BOLA3: variants seen among roughly 807,000 people sequenced by gnomAD.
BOLA3 encodes bolA family member 3.
A neutral mutation model predicts 14.5 loss-of-function variants in BOLA3; 8 were observed. That is an observed-to-expected ratio of 0.55 (90% CI 0.32 to 0.99). The LOEUF (loss-of-function observed/expected upper bound fraction) is 0.99, where lower values mean the gene tolerates loss of function less well. Ranked by LOEUF, BOLA3 falls within the 50% of genes least tolerant of loss-of-function variation. BOLA3 has a pLI of 0.04. For synonymous variants in BOLA3, 42 were observed against 45.7 expected (o/e 0.92, Z 0.33); for missense variants, 115 against 138.2 (o/e 0.83, Z 0.84).
intron 3 of BOLA3, among the ~76,000 whole-genome samples, chr2:74,135,888 G>A (rs999837909): frequency 1.9e-4 from 28 of 151,138 alleles, no homozygotes; most frequent in Non-Finnish European, 7.4e-5. Flanking sequence ...TCCTATACCT[G>A]TCCATCTCCC....
At chr2:74,145,001 C>G (rs1032235667) in intron 2 of BOLA3, among the ~76,000 whole-genome samples, 188 bp downstream of exon 2, 3 of 152,160 alleles carry the variant, frequency 2.0e-5, no homozygotes, top group Admixed American at 2.0e-4. Context: ...CAGTTTCCCT[C>G]TGATATTTCT....
chr2:74,139,513 C>G (rs1296686800), intron 3 of BOLA3, among the ~76,000 whole-genome samples: 2 of 152,044 alleles, frequency 1.3e-5, no homozygotes, highest in African/African-American at 2.4e-5. Context: ...CTGTCAGAAC[C>G]CCATTCCCAA....
At chr2:74,140,728 G>A (rs776897456) in intron 3 of BOLA3, among the ~76,000 whole-genome samples, 1 of 152,174 alleles carries the variant, frequency 6.6e-6, no homozygotes, top group Non-Finnish European at 1.5e-5. Flanking sequence ...TGGTGATGGC[G>A]GTCACATTTA....
At position 74,142,719 on chromosome 2, in the gene BOLA3, C is replaced by T. The variant is rs897671175; in HGVS notation, c.170-359G>A. On this transcript the variant is annotated intron_variant, in intron 2 of 3. Transcript: ENST00000327428. ...GAGGATGAGAAGGACGGAATTTCAG[C>T]GTTCCAGCTTCCAAAGGACCAACAA... is the stretch of plus-strand genomic sequence containing the variant. Among the ~76,000 whole-genome samples, 9 of 152,202 alleles carry T rather than the reference C, an allele frequency of 5.9e-5. No individual in the cohort carries two copies. In the East Asian group the frequency reaches 1.2e-3, roughly 20 times the overall value.
chr2:74,147,290 G>A (rs1430294504), intron 1 of BOLA3: 2 of 160,924 alleles, frequency 1.2e-5, no homozygotes, highest in East Asian at 3.8e-4. Context: ...AAAGTTAAGA[G>A]AAAGAATGGT....
At position 74,137,221 on chromosome 2, in the gene BOLA3, C is replaced by T. The variant is rs879270532; in HGVS notation, c.259-1563G>A. On this transcript the variant is annotated intron_variant, in intron 3 of 3. Transcript: ENST00000327428. Reference sequence around the variant, plus strand: ...ATGATTGGACCGAGGTGGCACATGACCCAAATTGGGCCACTTAGAATCTCC... The same window carrying T: ...ATGATTGGACCGAGGTGGCACATGATCCAAATTGGGCCACTTAGAATCTCC... Among the ~76,000 whole-genome samples the T allele has an allele frequency of 2.0e-5, 3 of 152,312 alleles. No homozygotes were observed. In the East Asian group the frequency reaches 5.8e-4, roughly 29 times the overall value.
chr2:74,147,168 A>AGG (rs1692560208), intron 1 of BOLA3: 1 of 152,654 alleles, frequency 6.6e-6, no homozygotes, highest in Non-Finnish European at 1.5e-5. Context: ...TTAGTGGAAC[A>AGG]ATCAACTGAC....
chr2:74,146,706 A>G (rs1022909743), intron 1 of BOLA3: 3 of 152,516 alleles, frequency 2.0e-5, no homozygotes, highest in Non-Finnish European at 2.9e-5. Context: ...AGCTCAGAGC[A>G]GGGTCCTGTG....
rs184632948 is a variant in BOLA3 at position 74,143,615 on chromosome 2, C to A, written c.170-1255G>T. The stretch of plus-strand genomic sequence containing the variant: ...CCTGGGCCTGGGGCAAGTTCAGGAC[C>A]TGGTAACATCAAGGCCTCAGCATTG... On this transcript the variant is annotated intron_variant, in intron 2 of 3. Coordinates refer to ENST00000327428, the MANE Select transcript of BOLA3 (RefSeq NM_212552.3). Among the ~76,000 whole-genome samples, 295 of 152,306 alleles carry A rather than the reference C, an allele frequency of 1.9e-3. 1 individual carries two copies. Among genetic ancestry groups the A allele is most frequent in the Middle Eastern group, 0.01 (3 of 294 alleles).
At chr2:74,147,661 G>T in intron 1 of BOLA3, 160 bp downstream of exon 1, 1 of 721,154 alleles carries the variant, frequency 1.4e-6, no homozygotes, top group Non-Finnish European at 2.3e-6. Context: ...GTGAATGAAT[G>T]AATGAAAGAA....
At chr2:74,140,706 A>T (rs767547894) in intron 3 of BOLA3, among the ~76,000 whole-genome samples, 14 of 152,206 alleles carry the variant, frequency 9.2e-5, no homozygotes, top group African/African-American at 2.9e-4. Flanking sequence ...CCAGTGTTGG[A>T]GATGACAATG....
intron 3 of BOLA3, among the ~76,000 whole-genome samples, chr2:74,138,406 C>T (rs898213135): frequency 1.3e-5 from 2 of 152,258 alleles, no homozygotes; most frequent in African/African-American, 4.8e-5. Context: ...CAGCACAGCC[C>T]TGCTTCCGGT....
At chr2:74,137,559 C>T (rs972655619) in intron 3 of BOLA3, among the ~76,000 whole-genome samples, 3 of 151,858 alleles carry the variant, frequency 2.0e-5, no homozygotes, top group Non-Finnish European at 4.4e-5. Flanking sequence ...TCCTTAGACA[C>T]AATCTAGTCC....
At chr2:74,138,476 G>A (rs765031312) in intron 3 of BOLA3, among the ~76,000 whole-genome samples, 2 of 152,360 alleles carry the variant, frequency 1.3e-5, no homozygotes, top group African/African-American at 4.8e-5. Flanking sequence ...ACACACAGGA[G>A]GCAGCCCTGG....
intron 3 of BOLA3, among the ~76,000 whole-genome samples, chr2:74,138,700 G>T (rs1692381307): frequency 6.6e-6 from 1 of 152,224 alleles, no homozygotes; most frequent in South Asian, 2.1e-4. Context: ...CTGAGCAGGG[G>T]AAAGACATTG....
At chr2:74,138,740 C>T (rs1363030061) in intron 3 of BOLA3, among the ~76,000 whole-genome samples, 1 of 152,216 alleles carries the variant, frequency 6.6e-6, no homozygotes, top group Non-Finnish European at 1.5e-5. Context: ...GGGCAATCCC[C>T]TAAGCTGGAA....
rs1692307527 is a variant in BOLA3, at chr2:74,135,546, G to T, written c.*47C>A. On this transcript the variant is annotated 3_prime_UTR_variant, in exon 4 of 4. Transcript: ENST00000327428. ...CTTAGGGAAGAATGATGTCAGTGAAGTTCATCCAAGGTCTTAAGCAGCAGC... is the reference window on the plus strand; with the variant it reads ...CTTAGGGAAGAATGATGTCAGTGAATTTCATCCAAGGTCTTAAGCAGCAGC... 6.2e-7 allele frequency: 1 copy of T among 1,612,102 alleles called. No individual in the cohort carries two copies. The highest frequency in any genetic ancestry group is 8.5e-7 in the Non-Finnish European group (1 of 1,178,744).
chr2:74,138,155 C>T (rs545980474), intron 3 of BOLA3, among the ~76,000 whole-genome samples: 2 of 152,342 alleles, frequency 1.3e-5, no homozygotes, highest in Admixed American at 6.5e-5. Flanking sequence ...TAGAGATCAC[C>T]TGAGTCACTC....
At chr2:74,141,163 G>A (rs1572941626) in intron 3 of BOLA3, among the ~76,000 whole-genome samples, 1 of 152,176 alleles carries the variant, frequency 6.6e-6, no homozygotes, top group East Asian at 1.9e-4. Flanking sequence ...GAGTTTCCGG[G>A]AGGGCTCAGT....
Sources: gnomAD v4.1 joint callset for allele counts (sites outside exome capture counted in the v4.1 genomes callset) on GRCh38, gnomAD v4.1.1 for gene constraint, MANE v1.5 for transcripts, NCBI Gene and HGNC (gene_info 2026-07-23, HGNC 2026-07-21) for gene names.